The following OPCML variants were observed in gnomAD, a reference collection of about 807,000 sequenced individuals.
The protein encoded by OPCML is opioid binding protein/cell adhesion molecule like.
In OPCML, 13 loss-of-function variants were observed where a neutral mutation model predicts 37.8. That is an observed-to-expected ratio of 0.34 (90% confidence interval 0.22 to 0.55). The LOEUF (loss-of-function observed/expected upper bound fraction) is 0.55. OPCML is among the 20% of genes least tolerant of loss of function. OPCML has a pLI of 0.91. For synonymous variants in OPCML, 176 were observed against 168.8 expected (o/e 1.04, Z -0.33); for missense variants, 341 against 435.6 (o/e 0.78, Z 1.93).
intron 1 of OPCML, among the ~76,000 whole-genome samples, chr11:133,150,951 G>C (rs1008356125): frequency 3.3e-5 from 5 of 152,042 alleles, no homozygotes; most frequent in Non-Finnish European, 7.4e-5. Context: ...TCTAGAAAGA[G>C]AGTGGCCTCC....
At chr11:133,359,458 C>T (rs547877406) in intron 1 of OPCML, among the ~76,000 whole-genome samples, 21 of 152,264 alleles carry the variant, frequency 1.4e-4, no homozygotes, top group African/African-American at 4.1e-4. Flanking sequence ...CATCAGTGAG[C>T]GTTTATTTAG....
At chr11:133,245,959 T>G (rs2136421895) in intron 1 of OPCML, among the ~76,000 whole-genome samples, 1 of 151,942 alleles carries the variant, frequency 6.6e-6, no homozygotes, top group East Asian at 1.9e-4. Flanking sequence ...ACACACTGGG[T>G]CCTATTTGGG....
intron 1 of OPCML, among the ~76,000 whole-genome samples, chr11:132,946,718 A>G (rs1945752371): frequency 1.3e-5 from 2 of 152,172 alleles, no homozygotes; most frequent in Admixed American, 1.3e-4. Context: ...CCCGAGGTAC[A>G]AGGCTTTGGG....
At chr11:133,474,837 G>C (rs911678401) in intron 1 of OPCML, among the ~76,000 whole-genome samples, 1 of 152,148 alleles carries the variant, frequency 6.6e-6, no homozygotes, top group Non-Finnish European at 1.5e-5. Flanking sequence ...GGATGTGCTG[G>C]GGCACTGGCC....
chr11:133,397,145 G>T (rs1221241338), intron 1 of OPCML, among the ~76,000 whole-genome samples: 3 of 152,142 alleles, frequency 2.0e-5, no homozygotes, highest in Non-Finnish European at 4.4e-5. Context: ...ATATTTATGG[G>T]TCATTTCCAA....
rs577462086 is a variant in OPCML, at chr11:133,361,883, C to T, written c.61+170381G>A. On this transcript the variant is annotated intron_variant, in intron 1 of 7. Transcript: ENST00000524381. ...AGCGCCGGCCCTCACTCTCCAGGGA[C>T]GCATGGAGCTCTGTCAAATGACCCG... 31 of 152,460 alleles carry T rather than the reference C, an allele frequency of 2.0e-4. 1 individual carries two copies. Among genetic ancestry groups the T allele is most frequent in the Non-Finnish European group, 3.8e-4 (26 of 68,160 alleles). The allele number at this position is 152,460 out of a possible 1,614,324, so 9.4% of individuals were successfully genotyped here. A position where few individuals can be genotyped will look rare whatever the true frequency, so the allele number is the denominator to read the frequency against.
intron 1 of OPCML, among the ~76,000 whole-genome samples, chr11:133,499,783 T>TACACACAC (rs1947865326): frequency 7.0e-6 from 1 of 142,282 alleles, no homozygotes; most frequent in African/African-American, 2.7e-5. Flanking sequence ...TATATATATA[T>TACACACAC]ATATACACAT....
chr11:132,630,135 C>T (rs2135687708), intron 3 of OPCML, among the ~76,000 whole-genome samples: 1 of 152,302 alleles, frequency 6.6e-6, no homozygotes, highest in Middle Eastern at 3.4e-3. Flanking sequence ...TTAAAATGTT[C>T]TTATCCCTTA....
rs1941212 is a variant in OPCML at position 133,418,440 on chromosome 11, T to C, written c.61+113824A>G. 0.018 allele frequency: 17,719 copies of C among 985,222 alleles called. 1,600 individuals carry two copies. In the African/African-American group the frequency reaches 0.23, roughly 13 times the overall value. The allele number at this position is 985,222 out of a possible 1,614,324, so 61.0% of individuals were successfully genotyped here. On this transcript the variant is annotated intron_variant, in intron 1 of 7. Transcript: ENST00000524381. ...TTTAGAACTGAGGAAGAGGGAGTCT[T>C]AAATGACTTTGGTGTTTCTAGTATC...
intron 4 of OPCML, among the ~76,000 whole-genome samples, chr11:132,459,071 G>GC (rs1236803764): frequency 6.6e-6 from 1 of 152,150 alleles, no homozygotes; most frequent in Non-Finnish European, 1.5e-5. Flanking sequence ...CCCAATGTGG[G>GC]CAGGCATCAT....
chr11:133,416,565 T>C (rs1294380039), intron 1 of OPCML, among the ~76,000 whole-genome samples: 1 of 152,198 alleles, frequency 6.6e-6, no homozygotes, highest in East Asian at 1.9e-4. Flanking sequence ...GTCAGGTGAC[T>C]GTCCTTGTTC....
At chr11:132,578,750 T>G (rs1042044577) in intron 3 of OPCML, among the ~76,000 whole-genome samples, 7 of 152,340 alleles carry the variant, frequency 4.6e-5, no homozygotes, top group African/African-American at 1.7e-4. Flanking sequence ...CAATGACACA[T>G]GCTGCTGTAC....
At chr11:132,446,797 T>G (rs1053655425) in intron 4 of OPCML, among the ~76,000 whole-genome samples, 12 of 152,172 alleles carry the variant, frequency 7.9e-5, no homozygotes, top group African/African-American at 2.9e-4. Context: ...TTTAGAAACC[T>G]GATCAATGCA....
chr11:132,769,454 A>C (rs1293541202), intron 2 of OPCML, among the ~76,000 whole-genome samples: 1 of 152,068 alleles, frequency 6.6e-6, no homozygotes, highest in African/African-American at 2.4e-5. Flanking sequence ...CTCCAGAACC[A>C]CACTCACTCA....
chr11:132,945,926 G>C (rs1261151671), intron 1 of OPCML, among the ~76,000 whole-genome samples: 1 of 152,154 alleles, frequency 6.6e-6, no homozygotes, highest in African/African-American at 2.4e-5. Flanking sequence ...GGGACTACAG[G>C]CGCCCACCAC....
Position 132,815,260 on chromosome 11 carries a change from C to T in OPCML, c.146+127666G>A, listed in dbSNP as rs542907332. On this transcript the variant is annotated intron_variant, in intron 2 of 7. Coordinates refer to ENST00000524381, the MANE Select transcript of OPCML (RefSeq NM_001012393.5). ...GACCTACCTGGACTTTTAAGTCTTG[C>T]TATGAGAATAGAAGTCTCCTCCGCA... Among the ~76,000 whole-genome samples, 38 of 152,274 alleles carry T rather than the reference C, an allele frequency of 2.5e-4. 2 individuals are homozygous for T. Among genetic ancestry groups the T allele is most frequent in the Middle Eastern group, 6.8e-3 (2 of 294 alleles).
At chr11:132,915,183 C>G (rs961303203) in intron 2 of OPCML, among the ~76,000 whole-genome samples, 1 of 152,126 alleles carries the variant, frequency 6.6e-6, no homozygotes, top group Non-Finnish European at 1.5e-5. Flanking sequence ...CTGTTTCTTG[C>G]TTGTGTGTAA....
chr11:133,484,636 C>CA (rs1947489673), intron 1 of OPCML, among the ~76,000 whole-genome samples: 1 of 152,076 alleles, frequency 6.6e-6, no homozygotes, highest in Non-Finnish European at 1.5e-5. Flanking sequence ...CATGCTGTGA[C>CA]AAAATCTAAC....
Position 132,418,315 on chromosome 11 carries a change from G to A in OPCML, c.*1878C>T, listed in dbSNP as rs772698154. 2.6e-5 allele frequency: 4 copies of A among 152,158 alleles called. No homozygotes were observed. Among genetic ancestry groups the A allele is most frequent in the Admixed American group, 6.5e-5 (1 of 15,270 alleles). The allele number at this position is 152,158 out of a possible 1,614,324, so 9.4% of individuals were successfully genotyped here. ...ATCAGTCCCTGCAGCACACCTGTGC[G>A]GTCTGCAATGCCTTTATTTTGAATC... On this transcript the variant is annotated 3_prime_UTR_variant, in exon 8 of 8. Transcript: ENST00000524381.
Sources: gnomAD v4.1 joint callset for allele counts (sites outside exome capture counted in the v4.1 genomes callset) on GRCh38, gnomAD v4.1.1 for gene constraint, MANE v1.5 for transcripts, NCBI Gene and HGNC (gene_info 2026-07-23, HGNC 2026-07-21) for gene names.